Variants in SCN7A observed in about 807,000 individuals in gnomAD.
SCN7A encodes the protein sodium voltage-gated channel alpha subunit 7, also known as sodium channel protein type 7 subunit alpha.
A neutral mutation model predicts 155.2 loss-of-function variants in SCN7A; 138 were observed. That is an observed-to-expected ratio of 0.89 (90% confidence interval 0.77 to 1.02). SCN7A has a LOEUF of 1.02. Ranked by LOEUF, SCN7A falls within the 50% of genes least tolerant of loss-of-function variation. The probability of loss-of-function intolerance (pLI) is 0.00; values close to 1 mark genes in which losing one functional copy is unlikely to be tolerated. For missense variants in SCN7A, 2,058 were observed against 1,986.6 expected (o/e 1.04, Z -0.68); for synonymous variants, 693 against 649.0 (o/e 1.07, Z -1.03).
chr2:166,491,223 C>T (rs781503694), intron 1 of SCN7A, among the ~76,000 whole-genome samples: 13 of 152,142 alleles, frequency 8.5e-5, no homozygotes, highest in Admixed American at 6.5e-5. Context: ...TAATATCAGA[C>T]CTTTCTAATC....
rs140422703 is a variant in SCN7A, at chr2:166,454,685, T to C, written c.1290+2185A>G. On this transcript the variant is annotated intron_variant, in intron 11 of 25. Transcript: ENST00000643258. ...TCCGGGTATGGCTTCTCTCTATTTTTCGTTCTCTGGCTCAATATAGACCTT... is the reference window on the plus strand; with the variant it reads ...TCCGGGTATGGCTTCTCTCTATTTTCCGTTCTCTGGCTCAATATAGACCTT... Among the ~76,000 whole-genome samples the C allele has an allele frequency of 6.0e-3, 914 of 152,294 alleles. 9 individuals are homozygous for C. Among genetic ancestry groups the C allele is most frequent in the African/African-American group, 0.02 (851 of 41,566 alleles).
intron 2 of SCN7A, among the ~76,000 whole-genome samples, chr2:166,484,534 T>C (rs1264102412): frequency 1.3e-5 from 2 of 151,680 alleles, no homozygotes; most frequent in African/African-American, 2.4e-5. Context: ...GGGGAGCATA[T>C]TGAAAAGCAC....
In SCN7A at chr2:166,409,913, A is replaced by G. The variant is rs1254182644; in HGVS notation, c.3734T>C (p.Phe1245Ser). 4 of 1,568,638 alleles carry G rather than the reference A, an allele frequency of 2.5e-6. No individual in the cohort carries two copies. Among genetic ancestry groups the G allele is most frequent in the Non-Finnish European group, 3.5e-6 (4 of 1,155,344 alleles). The change falls in exon 25 of 26, where the codon TTT (phenylalanine) becomes TCT (serine). Residue 1245 changes from phenylalanine (F) to serine (S), a missense_variant. Physicochemically the swap from Phe to Ser is radical, Grantham distance 155. Coordinates refer to ENST00000643258, the MANE Select transcript of SCN7A (RefSeq NM_002976.4). ...RPLNKLQGFI[F>S]DVVTSQAFNV... ...AAAAGCTTGGCTTGTTACCACATCA[A>G]AGATGAATCCTTGGAGCTTGTTCTG...
chr2:166,455,064 A>G (rs560500911), intron 11 of SCN7A, among the ~76,000 whole-genome samples: 14 of 152,308 alleles, frequency 9.2e-5, no homozygotes, highest in Non-Finnish European at 1.6e-4. Context: ...TACATAGTGC[A>G]TTTCCTCTGG....
chr2:166,416,665 A>G, intron 21 of SCN7A, 42 bp downstream of exon 21: 6 of 1,495,154 alleles, frequency 4.0e-6, no homozygotes, highest in South Asian at 1.3e-5. Context: ...TACAATATGG[A>G]TGAATATATA....
At chr2:166,419,238 A>AG (rs886278253) in intron 20 of SCN7A, among the ~76,000 whole-genome samples, 7 of 151,776 alleles carry the variant, frequency 4.6e-5, no homozygotes, top group South Asian at 2.1e-4. Flanking sequence ...ATATTTACTT[A>AG]GGGGGGTGTG....
intron 15 of SCN7A, among the ~76,000 whole-genome samples, chr2:166,437,168 C>T (rs1264129743): frequency 6.6e-6 from 1 of 152,164 alleles, no homozygotes; most frequent in African/African-American, 2.4e-5. Flanking sequence ...GAGTCTGGGC[C>T]CAGGGTCCCC....
intron 12 of SCN7A, among the ~76,000 whole-genome samples, chr2:166,446,419 G>A (rs554409636): frequency 1.0e-3 from 157 of 152,282 alleles, no homozygotes; most frequent in African/African-American, 3.7e-3. Context: ...TACACTGTTG[G>A]TGGGAATGTA....
chr2:166,421,660 T>C (rs1462465624), intron 19 of SCN7A, among the ~76,000 whole-genome samples: 1 of 151,990 alleles, frequency 6.6e-6, no homozygotes, highest in Non-Finnish European at 1.5e-5. Context: ...AGTAATCATA[T>C]GCAGTATATT....
chr2:166,441,761 G>C lies in SCN7A; in HGVS notation c.1801-9C>G. On this transcript the variant is annotated splice_polypyrimidine_tract_variant and intron_variant, in intron 14 of 25. Transcript: ENST00000643258. ...AACTTGAAAATTCTTAACTAATAGA[G>C]CAATGTAAAATCAAGAACAAGAAAC... 2 of 1,576,388 alleles carry C rather than the reference G, an allele frequency of 1.3e-6. No homozygotes were observed. The highest frequency in any genetic ancestry group is 4.5e-5 in the East Asian group (2 of 44,622).
At chr2:166,448,789 A>G (rs1244880490) in intron 11 of SCN7A, among the ~76,000 whole-genome samples, 13 of 152,246 alleles carry the variant, frequency 8.5e-5, no homozygotes, top group African/African-American at 3.1e-4. Flanking sequence ...AAATCAGGAA[A>G]CATAGTACTA....
In SCN7A at chr2:166,411,034, C is replaced by T. The variant is rs75483854; in HGVS notation, c.3607-710G>A. On this transcript the variant is annotated intron_variant, in intron 23 of 25. Coordinates refer to ENST00000643258, the MANE Select transcript of SCN7A (RefSeq NM_002976.4). Reference sequence around the variant, plus strand: ...TATGTTATCCTACAGGGTTGATATTCGTAGAAAGCTGAAGCATCCAATCAA... The same window carrying T: ...TATGTTATCCTACAGGGTTGATATTTGTAGAAAGCTGAAGCATCCAATCAA... 5.1e-3 allele frequency among the ~76,000 whole-genome samples: 777 copies of T among 152,016 alleles called. 39 individuals carry two copies. In the East Asian group the frequency reaches 0.11, roughly 22 times the overall value.
intron 21 of SCN7A, among the ~76,000 whole-genome samples, chr2:166,414,048 G>A (rs1458070881): frequency 1.1e-4 from 8 of 73,630 alleles, no homozygotes; most frequent in African/African-American, 2.1e-4. Context: ...ATTTATATAT[G>A]TAAATATATA....
intron 2 of SCN7A, among the ~76,000 whole-genome samples, 154 bp from the exon 3 acceptor site, chr2:166,477,864 T>C (rs919467205): frequency 3.9e-5 from 6 of 152,022 alleles, no homozygotes; most frequent in Non-Finnish European, 7.4e-5. Flanking sequence ...CTGAGTTTTA[T>C]TGTACTTAAT....
At chr2:166,443,780 C>T (rs973774933) in intron 13 of SCN7A, 104 bp from the exon 14 acceptor site, 2 of 776,986 alleles carry the variant, frequency 2.6e-6, no homozygotes, top group Non-Finnish European at 2.0e-6. Context: ...GTCACTCTCA[C>T]ATTCTTCACA....
At chr2:166,411,661 G>C (rs1272614911) in intron 23 of SCN7A, among the ~76,000 whole-genome samples, 1 of 151,996 alleles carries the variant, frequency 6.6e-6, no homozygotes, top group Non-Finnish European at 1.5e-5. Context: ...TGGCCACAGT[G>C]CATGATAAGT....
At chr2:166,443,094 C>T (rs959937539) in intron 14 of SCN7A, among the ~76,000 whole-genome samples, 3 of 152,078 alleles carry the variant, frequency 2.0e-5, no homozygotes, top group Admixed American at 6.6e-5. Flanking sequence ...TGATTTTTAC[C>T]TAATAATTAT....
At position 166,465,731 on chromosome 2, in the gene SCN7A, C is replaced by T. The variant is rs377369012; in HGVS notation, c.871+50G>A. 71 of 1,576,326 alleles carry T rather than the reference C, an allele frequency of 4.5e-5. 2 individuals are homozygous for T. In the Middle Eastern group the frequency reaches 5.1e-3, roughly 113 times the overall value. Reference sequence around the variant, plus strand: ...CAACATTTCTGGGAAGACTGCTTTGCCTTTAACGAAAGTTTCAATTTTTGA... The same window carrying T: ...CAACATTTCTGGGAAGACTGCTTTGTCTTTAACGAAAGTTTCAATTTTTGA... On this transcript the variant is annotated intron_variant, in intron 8 of 25. Transcript: ENST00000643258.
At chr2:166,490,442 A>G (rs1683068095) in intron 1 of SCN7A, among the ~76,000 whole-genome samples, 1 of 152,172 alleles carries the variant, frequency 6.6e-6, no homozygotes, top group African/African-American at 2.4e-5. Flanking sequence ...TATTCAAAAG[A>G]GCTGAAATTA....
Sources: allele counts gnomAD v4.1 joint callset (sites outside exome capture counted in the v4.1 genomes callset), GRCh38; gene constraint gnomAD v4.1.1; transcripts MANE v1.5; gene names NCBI Gene and HGNC (gene_info 2026-07-23, HGNC 2026-07-21).